COL4A5: variants seen among roughly 807,000 people sequenced by gnomAD.
The protein encoded by COL4A5 is collagen type IV alpha 5 chain.
Under a neutral mutation model 130.2 loss-of-function variants are expected in COL4A5, and 26 were observed. The observed-to-expected ratio is 0.20, with a 90% CI of 0.15 to 0.28. The LOEUF is 0.28. Among genes scored for constraint, COL4A5 ranks in the 10% least tolerant of loss-of-function variants. The pLI is 1.00. For missense variants in COL4A5, 1,131 were observed against 1,344.3 expected, an observed-to-expected ratio of 0.84 and a Z score of 2.48; for synonymous variants, 496 against 439.6, an observed-to-expected ratio of 1.13 and a Z score of -1.60.
chrX:108,632,935 T>C (rs1229351903), intron 36 of COL4A5, among the ~76,000 whole-genome samples: 3 of 111,632 alleles, frequency 2.7e-5, no homozygotes, highest in African/African-American at 9.8e-5. Flanking sequence ...AGGAATGCCC[T>C]CTCTCACTAC....
intron 1 of COL4A5, among the ~76,000 whole-genome samples, chrX:108,500,429 G>T (rs1603257347): frequency 8.9e-6 from 1 of 112,020 alleles, no homozygotes; most frequent in East Asian, 2.8e-4. Context: ...CTTTCATTTA[G>T]AGCATTGAAG....
chrX:108,554,352 T>G (rs1254644829), intron 2 of COL4A5, among the ~76,000 whole-genome samples: 1 of 109,758 alleles, frequency 9.1e-6, no homozygotes, highest in Admixed American at 9.7e-5. Context: ...AAGAGAAGAG[T>G]GAGGAGCAAA....
intron 51 of COL4A5, 68 bp from the exon 52 acceptor site, chrX:108,695,199 T>A: frequency 1.7e-6 from 2 of 1,176,143 alleles, no homozygotes; most frequent in Non-Finnish European, 2.3e-6. Context: ...TCAGCACACA[T>A]CTTTGGATAT....
intron 2 of COL4A5, among the ~76,000 whole-genome samples, chrX:108,546,470 A>G (rs2065656915): frequency 8.9e-6 from 1 of 112,328 alleles, no homozygotes; most frequent in Admixed American, 9.4e-5. Flanking sequence ...GTTTCTGCCA[A>G]GAGATCCACT....
intron 1 of COL4A5, among the ~76,000 whole-genome samples, chrX:108,455,155 C>T: frequency 9.0e-6 from 1 of 111,668 alleles, no homozygotes; most frequent in Non-Finnish European, 1.9e-5. Context: ...TAGAAAGTTT[C>T]ATTTTCTAGA....
At chrX:108,666,216 T>G (rs2068074987) in intron 38 of COL4A5, among the ~76,000 whole-genome samples, 1 of 111,669 alleles carries the variant, frequency 9.0e-6, no homozygotes, top group East Asian at 2.8e-4. Context: ...ATAACTTCTC[T>G]TGGCCCCATA....
chrX:108,646,514 C>T lies in COL4A5; in HGVS notation c.3247-8817C>T, dbSNP rs761261478. Among the ~76,000 whole-genome samples the T allele has an allele frequency of 3.5e-3, 392 of 110,740 alleles. 4 individuals are homozygous for T. Among genetic ancestry groups the T allele is most frequent in the African/African-American group, 0.013 (378 of 30,206 alleles). On this transcript the variant is annotated intron_variant, in intron 36 of 52. Transcript: ENST00000328300. The stretch of plus-strand genomic sequence containing the variant: ...CAGATGAGTAGATTGCAAAAATTTT[C>T]TCCCATTCTGTAGGTTGCCTGTTCA...
chrX:108,473,633 A>ATATACATATATATATATATATATT, intron 1 of COL4A5, among the ~76,000 whole-genome samples: 1 of 34,567 alleles, frequency 2.9e-5, no homozygotes, highest in African/African-American at 1.1e-4. Context: ...ATATATATAT[A>ATATACATATATATATATATATATT]TTTTTTTTTT....
chrX:108,458,151 C>T (rs779184739), intron 1 of COL4A5, among the ~76,000 whole-genome samples: 12 of 105,895 alleles, frequency 1.1e-4, no homozygotes, highest in African/African-American at 4.7e-4. Flanking sequence ...TTGACTTCCC[C>T]AAGGTCACCA....
intron 10 of COL4A5, among the ~76,000 whole-genome samples, chrX:108,576,696 G>C (rs1336196441): frequency 8.9e-6 from 1 of 111,948 alleles, no homozygotes; most frequent in Non-Finnish European, 1.9e-5. Flanking sequence ...ATATATTTAA[G>C]TGACAGTTTT....
rs1035296086 is a variant in COL4A5, at chrX:108,696,784, G to C, written c.*406G>C. On this transcript the variant is annotated 3_prime_UTR_variant, in exon 53 of 53. Coordinates refer to ENST00000328300, the MANE Select transcript of COL4A5 (RefSeq NM_033380.3). Reference sequence around the variant, plus strand: ...TTTTCACGGTGCTACTAATCCTGCTGTATCCCGGGTTTTTAATATAAAGGT... The same window carrying C: ...TTTTCACGGTGCTACTAATCCTGCTCTATCCCGGGTTTTTAATATAAAGGT... The C allele has an allele frequency of 8.2e-6, 1 of 121,944 alleles. No homozygotes were observed. Among genetic ancestry groups the C allele is most frequent in the Non-Finnish European group, 1.7e-5 (1 of 59,603 alleles). 10.0% of individuals were successfully genotyped at this position (121,944 alleles called of 1,213,427 possible).
chrX:108,513,763 T>C (rs1327695959), intron 1 of COL4A5, among the ~76,000 whole-genome samples: 1 of 109,482 alleles, frequency 9.1e-6, no homozygotes, highest in African/African-American at 3.5e-5. Context: ...CTTTGCCCTG[T>C]CCAAAAAATC....
intron 1 of COL4A5, among the ~76,000 whole-genome samples, chrX:108,505,213 T>C (rs2065113237): frequency 9.2e-6 from 1 of 108,174 alleles, no homozygotes; most frequent in South Asian, 4.0e-4. Flanking sequence ...AGTTGTATAA[T>C]GGACTTTGGA....
chrX:108,694,460 T>C (rs951107618), intron 50 of COL4A5: 10 of 241,945 alleles, frequency 4.1e-5, no homozygotes, highest in South Asian at 2.9e-4. Context: ...TCCCCTCCAA[T>C]TGAGTACTTT....
intron 15 of COL4A5, 44 bp downstream of exon 15, chrX:108,580,782 A>ATG (rs200100909): frequency 1.1e-5 from 12 of 1,094,620 alleles, no homozygotes; most frequent in African/African-American, 5.7e-5. Context: ...AAAATTCTAA[A>ATG]TGTGTGTGTG....
At position 108,457,974 on chromosome X, in the gene COL4A5, T is replaced by C. The variant is rs1036821477; in HGVS notation, c.81+17768T>C. On this transcript the variant is annotated intron_variant, in intron 1 of 52. Coordinates refer to ENST00000328300, the MANE Select transcript of COL4A5 (RefSeq NM_033380.3). The stretch of plus-strand genomic sequence containing the variant: ...AGCTTTTTGTGCATTCTGCATATAA[T>C]ATATTCATTTCATACATACATGCCA... Among the ~76,000 whole-genome samples, 3 of 112,126 alleles carry C rather than the reference T, an allele frequency of 2.7e-5. No individual in the cohort carries two copies. The Admixed American group carries it at 2.8e-4, about 11-fold the overall frequency.
At chrX:108,554,920 C>T (rs760220473) in intron 2 of COL4A5, among the ~76,000 whole-genome samples, 105 of 112,135 alleles carry the variant, frequency 9.4e-4, no homozygotes, top group African/African-American at 2.8e-3. Context: ...GTATACTCTA[C>T]GCATGTATGA....
chrX:108,647,366 G>T lies in COL4A5; in HGVS notation c.3247-7965G>T, dbSNP rs1803050256. Among the ~76,000 whole-genome samples the T allele has an allele frequency of 4.5e-5, 5 of 111,507 alleles. No individual in the cohort carries two copies. In the South Asian group the frequency reaches 1.9e-3, roughly 42 times the overall value. ...CAATTGTGAATGGGTCTTCACTCAT[G>T]ATTTGGCTCTCTGTTTGTCTGTTAT... On this transcript the variant is annotated intron_variant, in intron 36 of 52. Coordinates refer to ENST00000328300, the MANE Select transcript of COL4A5 (RefSeq NM_033380.3).
Position 108,578,192 on chromosome X carries a change from C to A in COL4A5, c.687+73C>A, listed in dbSNP as rs902525062. The A allele has an allele frequency of 3.9e-5, 44 of 1,130,082 alleles. No homozygotes were observed. The Admixed American group carries it at 9.8e-4, about 25-fold the overall frequency. 93.1% of individuals were successfully genotyped at this position (1,130,082 alleles called of 1,213,427 possible). ...TTGTAGTCATTTGAACTGTCTTTTT[C>A]TTTCTCTTGCTTCTTGAAGTTATCT... On this transcript the variant is annotated intron_variant, in intron 12 of 52. Coordinates refer to ENST00000328300, the MANE Select transcript of COL4A5 (RefSeq NM_033380.3).
Sources: gnomAD v4.1 joint callset for allele counts (sites outside exome capture counted in the v4.1 genomes callset) on GRCh38, gnomAD v4.1.1 for gene constraint, MANE v1.5 for transcripts, NCBI Gene and HGNC (gene_info 2026-07-23, HGNC 2026-07-21) for gene names.